The following SLC10A7 variants were observed in gnomAD, a reference collection of about 807,000 sequenced individuals.
SLC10A7 encodes solute carrier family 10 member 7, also known as sodium/bile acid cotransporter 7.
In SLC10A7, 29 loss-of-function variants were observed where a neutral mutation model predicts 43.2. That is an observed-to-expected ratio of 0.67 (90% CI 0.50 to 0.92). SLC10A7 has a LOEUF of 0.92. Ranked by LOEUF, SLC10A7 falls within the 40% of genes least tolerant of loss-of-function variation. The probability of loss-of-function intolerance (pLI) is 0.00; values close to 1 mark genes in which losing one functional copy is unlikely to be tolerated. For missense variants in SLC10A7, 295 were observed against 403.2 expected, an observed-to-expected ratio of 0.73 and a Z score of 2.30; for synonymous variants, 152 against 144.8, an observed-to-expected ratio of 1.05 and a Z score of -0.35.
intron 5 of SLC10A7, among the ~76,000 whole-genome samples, chr4:146,421,191 T>C (rs898014872): frequency 6.6e-6 from 1 of 152,178 alleles, no homozygotes; most frequent in Non-Finnish European, 1.5e-5. Context: ...TACTCCTAGT[T>C]AGGTATCCCT....
rs1738683104 is a variant in SLC10A7, at chr4:146,394,641, C to T, written c.435+48142G>A. Among the ~76,000 whole-genome samples, 4 of 152,172 alleles carry T rather than the reference C, an allele frequency of 2.6e-5. No individual in the cohort carries two copies. The South Asian group carries it at 8.3e-4, about 32-fold the overall frequency. On this transcript the variant is annotated intron_variant, in intron 5 of 11. Transcript: ENST00000335472. The stretch of plus-strand genomic sequence containing the variant: ...CCTCCCAAAGTGCTAGGATTACAAA[C>T]CTGAACCACCGTGCCCAGCCCCACA...
intron 5 of SLC10A7, among the ~76,000 whole-genome samples, chr4:146,413,725 G>A (rs575187803): frequency 2.0e-5 from 3 of 152,084 alleles, no homozygotes; most frequent in Non-Finnish European, 4.4e-5. Flanking sequence ...CCAGAGTAGG[G>A]TAAATAAACA....
intron 5 of SLC10A7, among the ~76,000 whole-genome samples, chr4:146,351,202 T>C (rs1240239866): frequency 1.3e-5 from 2 of 150,444 alleles, no homozygotes; most frequent in South Asian, 4.2e-4. Flanking sequence ...CTGATGGAGC[T>C]GAAAACCAAG....
At chr4:146,485,476 G>A (rs897983602) in intron 4 of SLC10A7, among the ~76,000 whole-genome samples, 1 of 152,180 alleles carries the variant, frequency 6.6e-6, no homozygotes, top group Non-Finnish European at 1.5e-5. Flanking sequence ...CCTTGGTGCT[G>A]AGGGCAGAAT....
chr4:146,518,557 C>T (rs949622517), intron 1 of SLC10A7, among the ~76,000 whole-genome samples: 3 of 152,002 alleles, frequency 2.0e-5, no homozygotes, highest in Non-Finnish European at 4.4e-5. Context: ...TAGTGTCCCC[C>T]GACTCCCAAA....
chr4:146,373,530 G>A (rs904377238), intron 5 of SLC10A7, among the ~76,000 whole-genome samples: 2 of 150,812 alleles, frequency 1.3e-5, no homozygotes, highest in Non-Finnish European at 2.9e-5. Flanking sequence ...AAAATTCAAG[G>A]GCTGGCAATG....
chr4:146,302,642 C>T (rs1731240004), intron 7 of SLC10A7, among the ~76,000 whole-genome samples: 1 of 152,096 alleles, frequency 6.6e-6, no homozygotes, highest in East Asian at 1.9e-4. Flanking sequence ...CAGAAAGACA[C>T]TCTAAACAGA....
At chr4:146,397,878 G>T (rs1445662942) in intron 5 of SLC10A7, among the ~76,000 whole-genome samples, 1 of 152,184 alleles carries the variant, frequency 6.6e-6, no homozygotes, top group African/African-American at 2.4e-5. Flanking sequence ...GGAAACTAAA[G>T]CTGAAAGAAA....
intron 5 of SLC10A7, among the ~76,000 whole-genome samples, chr4:146,401,036 A>G (rs1739188694): frequency 6.6e-6 from 1 of 152,310 alleles, no homozygotes; most frequent in Non-Finnish European, 1.5e-5. Flanking sequence ...AAGAAAAGAA[A>G]CTGCAAACAC....
chr4:146,447,680 A>G (rs1195893870), intron 4 of SLC10A7, among the ~76,000 whole-genome samples: 1 of 151,940 alleles, frequency 6.6e-6, no homozygotes, highest in Non-Finnish European at 1.5e-5. Flanking sequence ...AAAAAAAAAA[A>G]GTTCATATTG....
intron 5 of SLC10A7, among the ~76,000 whole-genome samples, chr4:146,354,372 C>T (rs1735397183): frequency 6.6e-6 from 1 of 152,216 alleles, no homozygotes; most frequent in African/African-American, 2.4e-5. Flanking sequence ...CAAACCACTG[C>T]TCAAGGAAAT....
intron 5 of SLC10A7, among the ~76,000 whole-genome samples, chr4:146,376,573 G>A (rs370636427): frequency 3.3e-5 from 5 of 152,038 alleles, no homozygotes; most frequent in East Asian, 1.9e-4. Context: ...GTCCCCAGCC[G>A]AACTCCAGGG....
intron 5 of SLC10A7, among the ~76,000 whole-genome samples, chr4:146,373,870 G>C (rs931444979): frequency 1.3e-5 from 2 of 152,166 alleles, no homozygotes; most frequent in Non-Finnish European, 2.9e-5. Context: ...ACAGGCAAAG[G>C]CTATAAGAGA....
At chr4:146,502,117 A>T (rs1218669956) in intron 4 of SLC10A7, among the ~76,000 whole-genome samples, 1 of 152,250 alleles carries the variant, frequency 6.6e-6, no homozygotes, top group Non-Finnish European at 1.5e-5. Flanking sequence ...ATTTCACTAA[A>T]GAAGACATAT....
chr4:146,452,960 A>C (rs1047811276), intron 4 of SLC10A7, among the ~76,000 whole-genome samples: 3 of 151,940 alleles, frequency 2.0e-5, no homozygotes, highest in Non-Finnish European at 4.4e-5. Flanking sequence ...TTGTTTTAAA[A>C]TATTACAGGA....
intron 4 of SLC10A7, among the ~76,000 whole-genome samples, chr4:146,477,462 C>T (rs1019032693): frequency 1.8e-4 from 28 of 152,246 alleles, no homozygotes; most frequent in African/African-American, 6.5e-4. Flanking sequence ...TTTACTCATC[C>T]CTTGCATAAA....
intron 4 of SLC10A7, among the ~76,000 whole-genome samples, chr4:146,480,857 C>T (rs1009893327): frequency 1.3e-5 from 2 of 151,840 alleles, no homozygotes; most frequent in Non-Finnish European, 2.9e-5. Context: ...AAAAAAAAAC[C>T]CAAAATAATG....
intron 4 of SLC10A7, among the ~76,000 whole-genome samples, chr4:146,503,526 C>T (rs4835040): frequency 0.8 from 121,458 of 152,198 alleles, 48,914 homozygotes; most frequent in East Asian, 0.96. Flanking sequence ...ATACTGGATG[C>T]CCTCAGTCTG....
At chr4:146,442,498 A>T in intron 5 of SLC10A7, 1 of 1,176,110 alleles carries the variant, frequency 8.5e-7, no homozygotes, top group Non-Finnish European at 1.1e-6. Flanking sequence ...TTAAATGATC[A>T]ATATATTGAC....
Sources: allele counts gnomAD v4.1 joint callset (sites outside exome capture counted in the v4.1 genomes callset), GRCh38; gene constraint gnomAD v4.1.1; transcripts MANE v1.5; gene names NCBI Gene and HGNC (gene_info 2026-07-23, HGNC 2026-07-21).